Variants in AGO3 observed in about 807,000 individuals in gnomAD.
AGO3 encodes the protein protein argonaute-3.
In AGO3, 16 loss-of-function variants were observed where a neutral mutation model predicts 105.5. The ratio of observed to expected loss-of-function variants is 0.15; its 90% CI spans 0.10 to 0.23. The LOEUF is 0.23. AGO3 is among the 10% of genes least tolerant of loss of function. AGO3 has a pLI of 1.00. For missense variants in AGO3, 534 were observed against 1,088.0 expected, an observed-to-expected ratio of 0.49 and a Z score of 7.16; for synonymous variants, 340 against 367.3, an observed-to-expected ratio of 0.93 and a Z score of 0.85.
At chr1:35,934,714 G>A in intron 1 of AGO3, among the ~76,000 whole-genome samples, 1 of 152,092 alleles carries the variant, frequency 6.6e-6, no homozygotes, top group East Asian at 1.9e-4. Context: ...GCAGTGGCAT[G>A]ATATTGGCTC....
intron 17 of AGO3, among the ~76,000 whole-genome samples, chr1:36,051,372 A>G (rs1026649412): frequency 6.6e-6 from 1 of 152,178 alleles, no homozygotes; most frequent in Non-Finnish European, 1.5e-5. Flanking sequence ...ACCCTGTGGG[A>G]TAGAGCAAAA....
intron 6 of AGO3, among the ~76,000 whole-genome samples, chr1:36,005,319 CAATT>C (rs1018349582): frequency 1.3e-5 from 2 of 152,234 alleles, no homozygotes; most frequent in East Asian, 1.9e-4. Flanking sequence ...TCCCCCAAAT[CAATT>C]AGAGTAGTTT....
At chr1:35,967,680 G>A (rs1242087196) in intron 3 of AGO3, among the ~76,000 whole-genome samples, 1 of 152,072 alleles carries the variant, frequency 6.6e-6, no homozygotes, top group East Asian at 1.9e-4. Context: ...ACCTCCCAAA[G>A]TTCTGGGATT....
At chr1:35,955,599 T>C (rs1646550218) in intron 2 of AGO3, among the ~76,000 whole-genome samples, 2 of 151,796 alleles carry the variant, frequency 1.3e-5, no homozygotes, top group African/African-American at 4.8e-5. Context: ...ACTTTTTTTT[T>C]TTTTTTTTAA....
In AGO3 at chr1:35,977,390, GA is replaced by G. The variant is rs1287934110; in HGVS notation, c.658+3880del. Among the ~76,000 whole-genome samples, 28 of 143,250 alleles carry G rather than the reference GA, an allele frequency of 2.0e-4. No homozygotes were observed. In the East Asian group the frequency reaches 2.1e-3, roughly 11 times the overall value. The allele number at this position is 143,250 out of a possible 152,430, so 94.0% of individuals were successfully genotyped here. On this transcript the variant is annotated intron_variant, in intron 5 of 18. Coordinates refer to ENST00000373191, the MANE Select transcript of AGO3 (RefSeq NM_024852.4). The stretch of plus-strand genomic sequence containing the variant: ...ACAAAGTAGTTTCTATCGTTATTAT[GA>G]TTTTTTTTTTTTTTTTTTTGAGACA...
chr1:35,958,528 G>T (rs1458870844), intron 2 of AGO3, among the ~76,000 whole-genome samples: 1 of 151,980 alleles, frequency 6.6e-6, no homozygotes, highest in African/African-American at 2.4e-5. Context: ...GGGCATGGTG[G>T]CACACTCCTG....
At chr1:36,040,724 A>G (rs1340196913) in intron 16 of AGO3, among the ~76,000 whole-genome samples, 2 of 152,128 alleles carry the variant, frequency 1.3e-5, no homozygotes, top group Non-Finnish European at 2.9e-5. Context: ...AAATCTTCAG[A>G]AAAAACAGTA....
chr1:35,935,119 A>AT (rs1333473387), intron 1 of AGO3, among the ~76,000 whole-genome samples: 1 of 152,220 alleles, frequency 6.6e-6, no homozygotes, highest in Admixed American at 6.5e-5. Context: ...ACTTAAAAAA[A>AT]ATATATTTAT....
At chr1:36,048,517 AAAGATTCAAACCTTGTTGCTCT>A (rs1334893801) in intron 17 of AGO3, among the ~76,000 whole-genome samples, 1 of 152,186 alleles carries the variant, frequency 6.6e-6, no homozygotes, top group Non-Finnish European at 1.5e-5. Context: ...AAGAAACAGA[AAAGATTCAAACCTTGTTGCTCT>A]ACAGAAAACC....
At chr1:36,033,505 TGTG>T (rs1332023168) in intron 12 of AGO3, among the ~76,000 whole-genome samples, 3 of 150,392 alleles carry the variant, frequency 2.0e-5, no homozygotes, top group African/African-American at 7.3e-5. Context: ...AAAGGCTTGG[TGTG>T]GTGGTGCATG....
At chr1:35,973,277 C>A (rs1336809024) in intron 4 of AGO3, 98 bp from the exon 5 acceptor site, 4 of 1,147,140 alleles carry the variant, frequency 3.5e-6, no homozygotes, top group Non-Finnish European at 3.4e-6. Flanking sequence ...TAATGATAAG[C>A]ATCATTATGT....
intron 17 of AGO3, among the ~76,000 whole-genome samples, chr1:36,046,785 G>A (rs1642491951): frequency 6.6e-6 from 1 of 152,006 alleles, no homozygotes. Flanking sequence ...GCATATCAGG[G>A]AAACCATGTC....
rs1257331629 is a variant in AGO3 at position 36,056,605 on chromosome 1, C to CAT, written c.*868_*869dup. 1.3e-5 allele frequency: 2 copies of CAT among 152,104 alleles called. No homozygotes were observed. Among genetic ancestry groups the CAT allele is most frequent in the African/African-American group, 4.8e-5 (2 of 41,424 alleles). The allele number at this position is 152,104 out of a possible 1,614,324, so 9.4% of individuals were successfully genotyped here. ...ATACATACACAGACACAGACACACA[C>CAT]ATATATATACATAAAATAACTTTCT... On this transcript the variant is annotated 3_prime_UTR_variant, in exon 19 of 19. Coordinates refer to ENST00000373191, the MANE Select transcript of AGO3 (RefSeq NM_024852.4).
rs545706360 is a variant in AGO3 at position 36,058,295 on chromosome 1, C to T, written c.*2550C>T. 1.6e-4 allele frequency: 25 copies of T among 152,096 alleles called. 1 individual carries two copies. Among genetic ancestry groups the T allele is most frequent in the Admixed American group, 1.2e-3 (19 of 15,284 alleles). The allele number at this position is 152,096 out of a possible 1,614,324, so 9.4% of individuals were successfully genotyped here. On this transcript the variant is annotated 3_prime_UTR_variant, in exon 19 of 19. Coordinates refer to ENST00000373191, the MANE Select transcript of AGO3 (RefSeq NM_024852.4). ...TTTTAAATCAGTTAAATCACTGAAACGTGGGAAATTGTTTTACAAAACTTT... is the reference window on the plus strand; with the variant it reads ...TTTTAAATCAGTTAAATCACTGAAATGTGGGAAATTGTTTTACAAAACTTT...
Position 36,008,545 on chromosome 1 carries a change from A to T in AGO3, c.794-145A>T. 1 of 702,672 alleles carries T rather than the reference A, an allele frequency of 1.4e-6. No homozygotes were observed. Among genetic ancestry groups the T allele is most frequent in the African/African-American group, 1.8e-5 (1 of 55,006 alleles). The allele number at this position is 702,672 out of a possible 1,614,324, so 43.5% of individuals were successfully genotyped here. Reference sequence around the variant, plus strand: ...CCATTATTAGCAATGTTATATGTAAAATCTGGTGTTTATATCATCTTGCCT... The same window carrying T: ...CCATTATTAGCAATGTTATATGTAATATCTGGTGTTTATATCATCTTGCCT... On this transcript the variant is annotated intron_variant, in intron 6 of 18. Transcript: ENST00000373191. This position sits in a 1 kb window ranked among gnomAD's most constrained non-coding sequence, Gnocchi z 5.1.
At chr1:35,944,063 A>G (rs935950919) in intron 1 of AGO3, among the ~76,000 whole-genome samples, 15 of 152,092 alleles carry the variant, frequency 9.9e-5, no homozygotes, top group Non-Finnish European at 5.9e-5. Flanking sequence ...ATAACTCTTC[A>G]ATCAGTTCTT....
intron 5 of AGO3, among the ~76,000 whole-genome samples, chr1:35,996,133 G>GT (rs772441051): frequency 7.2e-5 from 11 of 152,020 alleles, no homozygotes; most frequent in Non-Finnish European, 1.0e-4. Flanking sequence ...GAGGCCAGGT[G>GT]TTTGAGACCA....
intron 2 of AGO3, among the ~76,000 whole-genome samples, chr1:35,947,094 T>A (rs1646380388): frequency 6.6e-6 from 1 of 151,922 alleles, no homozygotes; most frequent in Non-Finnish European, 1.5e-5. Flanking sequence ...ATAACATACA[T>A]ATAATTTTAT....
At position 36,008,923 on chromosome 1, in the gene AGO3, A is replaced by T; in HGVS notation, c.908A>T (p.Gln303Leu). The T allele has an allele frequency of 1.2e-6, 2 of 1,613,916 alleles. No homozygotes were observed. The highest frequency in any genetic ancestry group is 1.7e-6 in the Non-Finnish European group (2 of 1,180,032). Residue 303 changes from glutamine to leucine, a missense_variant, in exon 8 of 19, where the codon CAA (glutamine) becomes CTA (leucine). Gln to Leu is a moderately radical substitution (Grantham distance 113, BLOSUM62 -2). Coordinates refer to ENST00000373191, the MANE Select transcript of AGO3 (RefSeq NM_024852.4). This position sits in a 1 kb window ranked among gnomAD's most constrained non-coding sequence, Gnocchi z 5.1. ...TTTCCTTTACAGTTAGAAAACGGCC[A>T]AACTGTGGAGAGAACAGTAGCGCAG... ...QTFPLQLENG[Q>L]TVERTVAQYF...
Sources: allele counts gnomAD v4.1 joint callset (sites outside exome capture counted in the v4.1 genomes callset), GRCh38; gene constraint gnomAD v4.1.1; non-coding constraint Gnocchi (gnomAD v3.1); transcripts MANE v1.5; gene names NCBI Gene and HGNC (gene_info 2026-07-23, HGNC 2026-07-21).